KDM4C: variants seen among roughly 807,000 people sequenced by gnomAD.
KDM4C encodes lysine-specific demethylase 4C.
KDM4C carries 81 observed loss-of-function variants against 129.3 expected under a neutral mutation model. The ratio of observed to expected loss-of-function variants is 0.63; its 90% confidence interval spans 0.52 to 0.75. The LOEUF (loss-of-function observed/expected upper bound fraction) is 0.75, where lower values mean the gene tolerates loss of function less well. Ranked by LOEUF, KDM4C falls within the 30% of genes least tolerant of loss-of-function variation. KDM4C has a pLI of 0.00. For missense variants in KDM4C, 1,457 were observed against 1,304.0 expected (o/e 1.12, Z -1.81); for synonymous variants, 573 against 456.1 (o/e 1.26, Z -3.26).
At chr9:7,103,525 A>G (rs887087474) in intron 17 of KDM4C, among the ~76,000 whole-genome samples, 160 bp from the exon 18 acceptor site, 4 of 151,604 alleles carry the variant, frequency 2.6e-5, no homozygotes, top group Non-Finnish European at 5.9e-5. Context: ...ATTGCCACAG[A>G]TGCTGTCACC....
chr9:6,834,854 A>G lies in KDM4C; in HGVS notation c.436-14653A>G. 6.6e-6 allele frequency: 9 copies of G among 1,359,190 alleles called. 2 individuals are homozygous for G. The highest frequency in any genetic ancestry group is 2.9e-5 in the African/African-American group (2 of 69,902). The allele number at this position is 1,359,190 out of a possible 1,614,324, so 84.2% of individuals were successfully genotyped here. On this transcript the variant is annotated intron_variant, in intron 4 of 21. Transcript: ENST00000381309. ...GACCTTCATCACCCCAGCCATGTAC[A>G]TGGCCATCCAGCCCGTGCTGTCCCT... is the stretch of plus-strand genomic sequence containing the variant.
intron 17 of KDM4C, among the ~76,000 whole-genome samples, chr9:7,054,308 T>G (rs1409616451): frequency 1.3e-5 from 2 of 152,208 alleles, no homozygotes. Flanking sequence ...TATTCAGAAT[T>G]TTTTCCTTTT....
At chr9:6,881,480 A>G (rs374771386) in intron 6 of KDM4C, among the ~76,000 whole-genome samples, 8 of 152,318 alleles carry the variant, frequency 5.3e-5, no homozygotes, top group African/African-American at 1.7e-4. Flanking sequence ...TGTTAAGACT[A>G]TATTCTCAAC....
chr9:7,069,721 T>G (rs1832936372), intron 17 of KDM4C, among the ~76,000 whole-genome samples: 1 of 152,222 alleles, frequency 6.6e-6, no homozygotes, highest in East Asian at 1.9e-4. Flanking sequence ...GAAATGTGGC[T>G]GTCATTTTTT....
intron 8 of KDM4C, 124 bp downstream of exon 8, chr9:6,893,356 CA>C: frequency 1.6e-6 from 1 of 628,752 alleles, no homozygotes; most frequent in South Asian, 3.0e-5. Flanking sequence ...CCTCTCACCA[CA>C]GCAATTCACT....
At chr9:6,744,357 C>T (rs1182714939) in intron 1 of KDM4C, among the ~76,000 whole-genome samples, 1 of 152,040 alleles carries the variant, frequency 6.6e-6, no homozygotes, top group Non-Finnish European at 1.5e-5. Flanking sequence ...AACCGCATCT[C>T]TACTAAAAAC....
chr9:6,919,862 A>T (rs144273080), intron 8 of KDM4C, among the ~76,000 whole-genome samples: 3,662 of 152,190 alleles, frequency 0.024, 109 homozygotes, highest in East Asian at 0.14. Flanking sequence ...GGTGTGAGCC[A>T]CTGCACCTGG....
At chr9:6,775,837 C>T (rs566445428) in intron 1 of KDM4C, among the ~76,000 whole-genome samples, 2 of 152,224 alleles carry the variant, frequency 1.3e-5, no homozygotes, top group African/African-American at 2.4e-5. Context: ...GGTTTTTAAA[C>T]AGTTGCACTG....
chr9:6,779,575 T>C lies in KDM4C; in HGVS notation c.-17-13397T>C, dbSNP rs570534426. Reference sequence around the variant, plus strand: ...AACTTGGACCCTGATCTTCTGTTTGTAGTAGCAGTGGCAGTTCCCTTGACA... The same window carrying C: ...AACTTGGACCCTGATCTTCTGTTTGCAGTAGCAGTGGCAGTTCCCTTGACA... On this transcript the variant is annotated intron_variant, in intron 1 of 21. Coordinates refer to ENST00000381309, the MANE Select transcript of KDM4C (RefSeq NM_015061.6). Among the ~76,000 whole-genome samples, 9 of 152,320 alleles carry C rather than the reference T, an allele frequency of 5.9e-5. No homozygotes were observed. In the South Asian group the frequency reaches 8.3e-4, roughly 14 times the overall value.
At chr9:7,100,289 T>A (rs1836920392) in intron 17 of KDM4C, among the ~76,000 whole-genome samples, 1 of 152,224 alleles carries the variant, frequency 6.6e-6, no homozygotes, top group African/African-American at 2.4e-5. Flanking sequence ...AAACATTAAC[T>A]AGCCTACCTA....
intron 5 of KDM4C, among the ~76,000 whole-genome samples, chr9:6,849,930 T>C (rs1241871972): frequency 6.6e-6 from 1 of 152,234 alleles, no homozygotes; most frequent in Non-Finnish European, 1.5e-5. Context: ...AATGTTTAGA[T>C]CAATGATGGA....
intron 1 of KDM4C, among the ~76,000 whole-genome samples, chr9:6,765,929 C>A (rs1041686362): frequency 1.3e-5 from 2 of 152,034 alleles, no homozygotes; most frequent in Non-Finnish European, 2.9e-5. Flanking sequence ...GCTGGGACTA[C>A]AGGTGTGTGC....
At chr9:6,915,945 G>A (rs901753659) in intron 8 of KDM4C, among the ~76,000 whole-genome samples, 15 of 152,218 alleles carry the variant, frequency 9.9e-5, no homozygotes, top group Non-Finnish European at 1.8e-4. Flanking sequence ...ATCACTGACA[G>A]ATGCTGTAAA....
rs1467487272 is a variant in KDM4C, at chr9:6,839,395, AG to A, written c.436-10111del. Reference sequence around the variant, plus strand: ...CAGGCGCTTGCCACCACACCTGGCCAGTTTTTTTTTTTTTTTTTTTTTCTGG... The same window carrying A: ...CAGGCGCTTGCCACCACACCTGGCCATTTTTTTTTTTTTTTTTTTTTCTGG... On this transcript the variant is annotated intron_variant, in intron 4 of 21. Coordinates refer to ENST00000381309, the MANE Select transcript of KDM4C (RefSeq NM_015061.6). 1.5e-3 allele frequency among the ~76,000 whole-genome samples: 170 copies of A among 115,718 alleles called. 1 individual carries two copies. Among genetic ancestry groups the A allele is most frequent in the African/African-American group, 5.2e-3 (157 of 29,936 alleles). 75.9% of individuals were successfully genotyped at this position (115,718 alleles called of 152,430 possible). A position where few individuals can be genotyped will look rare whatever the true frequency, so the allele number is the denominator to read the frequency against.
At chr9:7,103,623 T>A in intron 17 of KDM4C, 62 bp from the exon 18 acceptor site, 1 of 1,161,154 alleles carries the variant, frequency 8.6e-7, no homozygotes, top group Non-Finnish European at 1.3e-6. Context: ...GTTCTGTAAA[T>A]TGTGGGAACT....
intron 19 of KDM4C, among the ~76,000 whole-genome samples, chr9:7,151,611 G>A (rs1419284472): frequency 6.6e-6 from 1 of 152,202 alleles, no homozygotes; most frequent in African/African-American, 2.4e-5. Flanking sequence ...GGAAGCCAAG[G>A]CTGCAGTGAG....
intron 10 of KDM4C, among the ~76,000 whole-genome samples, chr9:6,984,766 T>C (rs1817393721): frequency 6.6e-6 from 1 of 152,144 alleles, no homozygotes; most frequent in Admixed American, 6.5e-5. Context: ...TAATTCTTTG[T>C]AGATTCTTAG....
At chr9:6,971,023 T>C (rs934986865) in intron 8 of KDM4C, among the ~76,000 whole-genome samples, 1 of 152,198 alleles carries the variant, frequency 6.6e-6, no homozygotes, top group East Asian at 1.9e-4. Context: ...ATTTATGCAC[T>C]GGTGATGACA....
At chr9:7,150,849 C>T (rs1320276585) in intron 19 of KDM4C, among the ~76,000 whole-genome samples, 2 of 152,174 alleles carry the variant, frequency 1.3e-5, no homozygotes, top group East Asian at 3.8e-4. Context: ...CAGAATCTCA[C>T]CTATTTCTAA....
Sources: gnomAD v4.1 joint callset for allele counts (sites outside exome capture counted in the v4.1 genomes callset) on GRCh38, gnomAD v4.1.1 for gene constraint, MANE v1.5 for transcripts, NCBI Gene and HGNC (gene_info 2026-07-23, HGNC 2026-07-21) for gene names.